Variants in SNX13 observed in about 807,000 individuals in gnomAD.
The protein encoded by SNX13 is sorting nexin 13.
Under a neutral mutation model 133.6 loss-of-function variants are expected in SNX13, and 45 were observed. The ratio of observed to expected loss-of-function variants is 0.34; its 90% CI spans 0.27 to 0.43. SNX13 has a LOEUF of 0.43. Among genes scored for constraint, SNX13 ranks in the 20% least tolerant of loss-of-function variants. The probability of loss-of-function intolerance (pLI) is 1.00; values close to 1 mark genes in which losing one functional copy is unlikely to be tolerated. For synonymous variants in SNX13, 414 were observed against 373.9 expected, an observed-to-expected ratio of 1.11 and a Z score of -1.24; for missense variants, 1,032 against 1,145.1, an observed-to-expected ratio of 0.90 and a Z score of 1.43.
At chr7:17,807,264 T>TGGTGGGGGGAGGGGCGCCCAGCTA (rs1175815184) in intron 20 of SNX13, among the ~76,000 whole-genome samples, 4 of 150,876 alleles carry the variant, frequency 2.7e-5, no homozygotes, top group Admixed American at 6.6e-5. Context: ...CACTCGAGCT[T>TGGTGGGGGGAGGGGCGCCCAGCTA]GGTGGGGGGA....
chr7:17,818,947 C>T (rs1382439910), intron 18 of SNX13, among the ~76,000 whole-genome samples: 1 of 152,148 alleles, frequency 6.6e-6, no homozygotes, highest in Admixed American at 6.5e-5. Flanking sequence ...ATACAGATTT[C>T]ACCAAATAAA....
intron 5 of SNX13, chr7:17,888,853 T>G: frequency 2.5e-6 from 1 of 392,200 alleles, no homozygotes; most frequent in South Asian, 1.9e-5. Context: ...AAAACCAAGG[T>G]TCAGAGTTTA....
intron 5 of SNX13, among the ~76,000 whole-genome samples, chr7:17,878,125 A>T (rs1446694823): frequency 1.3e-5 from 2 of 152,146 alleles, no homozygotes; most frequent in African/African-American, 4.8e-5. Flanking sequence ...CTTCTACTGC[A>T]TTTACTACAT....
chr7:17,879,909 A>G (rs560677642), intron 5 of SNX13: 34 of 152,330 alleles, frequency 2.2e-4, no homozygotes, highest in African/African-American at 7.5e-4. Flanking sequence ...CACTCATTAC[A>G]TCTTTGAGTC....
intron 9 of SNX13, among the ~76,000 whole-genome samples, chr7:17,855,284 A>T (rs1440507097): frequency 1.3e-5 from 2 of 152,256 alleles, no homozygotes; most frequent in African/African-American, 4.8e-5. Context: ...AAGGTGAAGC[A>T]GCAAGTCCTG....
In SNX13 at chr7:17,791,203, T is replaced by C. The variant is rs186576235; in HGVS notation, c.*2842A>G. The C allele has an allele frequency of 3.3e-5, 5 of 152,102 alleles. No individual in the cohort carries two copies. The highest frequency in any genetic ancestry group is 6.6e-5 in the Admixed American group (1 of 15,254). The allele number at this position is 152,102 out of a possible 1,614,324, so 9.4% of individuals were successfully genotyped here. A position where few individuals can be genotyped will look rare whatever the true frequency, so the allele number is the denominator to read the frequency against. On this transcript the variant is annotated 3_prime_UTR_variant, in exon 26 of 26. Coordinates refer to ENST00000428135, the MANE Select transcript of SNX13 (RefSeq NM_015132.5). ...TATCTTACAATTACTCAAATACACATGCATTAAATGAAAATATTGCACAAA... is the reference window on the plus strand; with the variant it reads ...TATCTTACAATTACTCAAATACACACGCATTAAATGAAAATATTGCACAAA...
chr7:17,830,136 C>T, intron 15 of SNX13, 89 bp from the exon 16 acceptor site: 1 of 703,420 alleles, frequency 1.4e-6, no homozygotes, highest in Non-Finnish European at 1.8e-6. Flanking sequence ...ATGAAAGTCA[C>T]ATAAGCCAAG....
At chr7:17,906,662 T>A (rs1798432582) in intron 1 of SNX13, among the ~76,000 whole-genome samples, 1 of 152,172 alleles carries the variant, frequency 6.6e-6, no homozygotes, top group East Asian at 1.9e-4. Context: ...ACACATTTTT[T>A]AATTATAATT....
chr7:17,792,562 C>T lies in SNX13; in HGVS notation c.*1483G>A, dbSNP rs1021312949. Reference sequence around the variant, plus strand: ...ATATCTTGTTCCAATCTTAAAGCTCCCAAATAACTGGGATACCAATACTCT... The same window carrying T: ...ATATCTTGTTCCAATCTTAAAGCTCTCAAATAACTGGGATACCAATACTCT... On this transcript the variant is annotated 3_prime_UTR_variant, in exon 26 of 26. Transcript: ENST00000428135. 7.2e-5 allele frequency: 11 copies of T among 152,350 alleles called. No homozygotes were observed. Among genetic ancestry groups the T allele is most frequent in the Non-Finnish European group, 1.3e-4 (9 of 67,858 alleles). The allele number at this position is 152,350 out of a possible 1,614,324, so 9.4% of individuals were successfully genotyped here. A position where few individuals can be genotyped will look rare whatever the true frequency, so the allele number is the denominator to read the frequency against.
intron 25 of SNX13, chr7:17,796,198 GA>G (rs1477262594): frequency 2.6e-5 from 4 of 151,562 alleles, no homozygotes; most frequent in African/African-American, 9.7e-5. Flanking sequence ...AGAAAAACGA[GA>G]AAAAGTAAAT....
At position 17,799,104 on chromosome 7, in the gene SNX13, T is replaced by C. The variant is rs994247337; in HGVS notation, c.2349A>G (p.Val783=). The C allele has an allele frequency of 1.2e-5, 19 of 1,610,516 alleles. 1 individual carries two copies. In the South Asian group the frequency reaches 2.0e-4, roughly 17 times the overall value. Residue 783 remains valine (V), a synonymous_variant, in exon 23 of 26, where the codon GTA becomes GTG. Coordinates refer to ENST00000428135, the MANE Select transcript of SNX13 (RefSeq NM_015132.5). ...LRVMLLLMDE[V]FDLKERNQWL... is the part of the protein sequence containing the mutation. ...ACTGATTTCTTTCTTTTAAGTCGAA[T>C]ACTTCATCCATGAGAAGCAGCATTA...
chr7:17,804,661 G>A (rs764438753), intron 20 of SNX13, among the ~76,000 whole-genome samples: 7 of 151,242 alleles, frequency 4.6e-5, no homozygotes, highest in South Asian at 2.1e-4. Context: ...GAGACTGAGC[G>A]ATTCTTTAAC....
At chr7:17,811,107 C>T (rs189210596) in intron 20 of SNX13, among the ~76,000 whole-genome samples, 6 of 152,342 alleles carry the variant, frequency 3.9e-5, no homozygotes, top group Admixed American at 3.9e-4. Flanking sequence ...GATACCCTCT[C>T]TCACCACTCC....
chr7:17,808,573 G>C (rs1785600786), intron 20 of SNX13, among the ~76,000 whole-genome samples: 1 of 152,102 alleles, frequency 6.6e-6, no homozygotes, highest in Admixed American at 6.5e-5. Flanking sequence ...TAGCAAGGCA[G>C]GCCAACATTC....
At chr7:17,938,484 C>T (rs977018475) in intron 1 of SNX13, among the ~76,000 whole-genome samples, 1 of 152,132 alleles carries the variant, frequency 6.6e-6, no homozygotes, top group Non-Finnish European at 1.5e-5. Context: ...CTTACTTTGG[C>T]GAGGCAATCT....
At chr7:17,853,843 G>C (rs1245014677) in intron 9 of SNX13, among the ~76,000 whole-genome samples, 1 of 152,164 alleles carries the variant, frequency 6.6e-6, no homozygotes, top group Admixed American at 6.5e-5. Context: ...TTGGGAGGCT[G>C]AGGCAGAGAA....
intron 5 of SNX13, chr7:17,881,386 T>C (rs1795327922): frequency 6.6e-6 from 1 of 152,026 alleles, no homozygotes. Context: ...TTTAAAGGTA[T>C]GTTAATAAGA....
In SNX13 at chr7:17,893,325, G is replaced by A. The variant is rs997343365; in HGVS notation, c.228+7C>T. On this transcript the variant is annotated splice_region_variant and intron_variant, in intron 3 of 25. Transcript: ENST00000428135. The stretch of plus-strand genomic sequence containing the variant: ...TTTGAGGTTTTATATTCCCTCAAAC[G>A]ATTTACCTTAGGAACCCCAGGTGAT... The A allele has an allele frequency of 1.3e-6, 2 of 1,546,538 alleles. No homozygotes were observed. The highest frequency in any genetic ancestry group is 8.8e-7 in the Non-Finnish European group (1 of 1,137,002).
intron 8 of SNX13, among the ~76,000 whole-genome samples, chr7:17,873,091 C>A (rs1333098330): frequency 6.6e-6 from 1 of 152,150 alleles, no homozygotes; most frequent in Non-Finnish European, 1.5e-5. Context: ...AAACTTTTGT[C>A]ATAACCAAAA....
Sources: gnomAD v4.1 joint callset for allele counts (sites outside exome capture counted in the v4.1 genomes callset) on GRCh38, gnomAD v4.1.1 for gene constraint, MANE v1.5 for transcripts, NCBI Gene and HGNC (gene_info 2026-07-23, HGNC 2026-07-21) for gene names.